The following POFUT3 variants were observed in gnomAD, a reference collection of about 807,000 sequenced individuals.
POFUT3 encodes GDP-fucose protein O-fucosyltransferase 3.
At chr8:33,341,892 C>G in the POFUT3 span, among the ~76,000 whole-genome samples, 3 of 152,026 alleles carry the variant, frequency 2.0e-5, no homozygotes, top group Non-Finnish European at 4.4e-5. Flanking sequence ...GACTCCATCT[C>G]TACAAAAAAA....
At chr8:33,461,659 G>A in the POFUT3 span, 1 of 1,518,964 alleles carries the variant, frequency 6.6e-7, no homozygotes, top group Non-Finnish European at 8.8e-7. Context: ...GAAGCAGCAT[G>A]CAGTCTTCTT....
the POFUT3 span, among the ~76,000 whole-genome samples, chr8:33,449,113 C>T: frequency 6.6e-6 from 1 of 151,898 alleles, no homozygotes; most frequent in African/African-American, 2.4e-5. Flanking sequence ...CCATAGCTGC[C>T]TTATTTATCT....
chr8:33,418,735 C>T, the POFUT3 span, among the ~76,000 whole-genome samples: 1 of 152,164 alleles, frequency 6.6e-6, no homozygotes, highest in African/African-American at 2.4e-5. Flanking sequence ...GGTATCTTTC[C>T]AGAAGAAGGG....
the POFUT3 span, among the ~76,000 whole-genome samples, chr8:33,320,155 T>C: frequency 6.6e-6 from 1 of 151,986 alleles, no homozygotes; most frequent in Admixed American, 6.6e-5. Flanking sequence ...GATCTTAACC[T>C]TTTAATTGCT....
the POFUT3 span, among the ~76,000 whole-genome samples, chr8:33,377,018 G>A: frequency 6.6e-6 from 1 of 152,116 alleles, no homozygotes; most frequent in African/African-American, 2.4e-5. Flanking sequence ...GGATCACGAG[G>A]TCAAGAGTTC....
At chr8:33,353,941 G>A in the POFUT3 span, among the ~76,000 whole-genome samples, 1 of 152,144 alleles carries the variant, frequency 6.6e-6, no homozygotes, top group Non-Finnish European at 1.5e-5. Flanking sequence ...TATGCTGTGT[G>A]CATCAGCTCC....
At chr8:33,379,273 A>G in the POFUT3 span, among the ~76,000 whole-genome samples, 1 of 152,000 alleles carries the variant, frequency 6.6e-6, no homozygotes, top group African/African-American at 2.4e-5. Flanking sequence ...GGAGTAATAC[A>G]CATCCCTCCT....
the POFUT3 span, among the ~76,000 whole-genome samples, chr8:33,431,422 C>T: frequency 2.0e-5 from 3 of 151,416 alleles, no homozygotes; most frequent in African/African-American, 7.3e-5. Context: ...GTGGCATGTA[C>T]CTGTAGTCCC....
At chr8:33,418,004 A>G in the POFUT3 span, among the ~76,000 whole-genome samples, 6 of 152,204 alleles carry the variant, frequency 3.9e-5, 1 homozygote, top group African/African-American at 1.4e-4. Context: ...CTGTCTGGAG[A>G]CTGTATGACC....
chr8:33,409,644 G>A, the POFUT3 span, among the ~76,000 whole-genome samples: 1 of 152,114 alleles, frequency 6.6e-6, no homozygotes, highest in African/African-American at 2.4e-5. Flanking sequence ...AGTGACTCAC[G>A]CCTATAATCC....
chr8:33,346,732 T>C, the POFUT3 span, among the ~76,000 whole-genome samples: 1 of 152,136 alleles, frequency 6.6e-6, no homozygotes, highest in Non-Finnish European at 1.5e-5. Context: ...TATTGAGCTA[T>C]AGAGAATGCA....
chr8:33,457,485 G>A, the POFUT3 span, among the ~76,000 whole-genome samples: 2 of 151,778 alleles, frequency 1.3e-5, no homozygotes, highest in Non-Finnish European at 2.9e-5. Context: ...AACAGAGGAA[G>A]ACTCCATCTC....
chr8:33,418,030 G>A, the POFUT3 span, among the ~76,000 whole-genome samples: 3 of 152,150 alleles, frequency 2.0e-5, no homozygotes, highest in East Asian at 3.9e-4. Flanking sequence ...GTTTCAGAGA[G>A]GGAGCTCACA....
At chr8:33,470,472 T>C in the POFUT3 span, among the ~76,000 whole-genome samples, 1 of 152,066 alleles carries the variant, frequency 6.6e-6, no homozygotes, top group Non-Finnish European at 1.5e-5. Context: ...ATGAAGTTTA[T>C]GTGTCACAGT....
At chr8:33,468,324 G>A in the POFUT3 span, among the ~76,000 whole-genome samples, 5 of 152,060 alleles carry the variant, frequency 3.3e-5, no homozygotes, top group African/African-American at 9.7e-5. Context: ...CTAGTTGCAG[G>A]AGAGGCAAGG....
At chr8:33,436,605 G>A in the POFUT3 span, 1 of 897,980 alleles carries the variant, frequency 1.1e-6, no homozygotes, top group Non-Finnish European at 1.9e-6. Context: ...TCTTAATGAT[G>A]CCACATTCCA....
the POFUT3 span, among the ~76,000 whole-genome samples, chr8:33,398,166 C>G: frequency 1.9e-4 from 29 of 152,008 alleles, no homozygotes; most frequent in Admixed American, 1.9e-3. Context: ...CACAGAAAAC[C>G]CAGCAATTAA....
At chr8:33,322,352 G>A in the POFUT3 span, among the ~76,000 whole-genome samples, 1 of 152,064 alleles carries the variant, frequency 6.6e-6, no homozygotes, top group East Asian at 1.9e-4. Context: ...TGATGCACCA[G>A]CCTTGAGCTT....
chr8:33,389,313 AGTC>A, the POFUT3 span: 1 of 1,614,036 alleles, frequency 6.2e-7, no homozygotes, highest in Non-Finnish European at 8.5e-7. Flanking sequence ...TCAGTGATGT[AGTC>A]ATCACAAACT....
Sources: gnomAD v4.1 joint callset for allele counts (sites outside exome capture counted in the v4.1 genomes callset) on GRCh38, gnomAD v4.1.1 for gene constraint, MANE v1.5 for transcripts, NCBI Gene and HGNC (gene_info 2026-07-23, HGNC 2026-07-21) for gene names.